ZNF432: variants seen among roughly 807,000 people sequenced by gnomAD.
ZNF432 encodes the protein zinc finger protein 432.
In ZNF432, 10 loss-of-function variants were observed where a neutral mutation model predicts 13.9. The ratio of observed to expected loss-of-function variants is 0.72; its 90% CI spans 0.44 to 1.22. The LOEUF (loss-of-function observed/expected upper bound fraction) is 1.22. Ranked by LOEUF, ZNF432 falls within the 50% of genes most tolerant of loss-of-function variation. The pLI is 0.00. For synonymous variants in ZNF432, 247 were observed against 256.2 expected (o/e 0.96, Z 0.34); for missense variants, 793 against 796.2 (o/e 1.00, Z 0.05).
intron 2 of ZNF432, 63 bp from the exon 3 acceptor site, chr19:52,041,669 G>C: frequency 1.2e-6 from 2 of 1,604,864 alleles, no homozygotes. Context: ...TGAAAAGAAA[G>C]TGAAGGGAAG....
At chr19:52,041,687 G>C in intron 2 of ZNF432, 81 bp from the exon 3 acceptor site, 1 of 1,563,584 alleles carries the variant, frequency 6.4e-7, no homozygotes, top group South Asian at 1.1e-5. Flanking sequence ...AAGTTGTCCC[G>C]CTCACATTAA....
In ZNF432 at chr19:52,032,046, A is replaced by G. The variant is rs1333870131; in HGVS notation, c.*1674T>C. The G allele has an allele frequency of 6.6e-6, 1 of 152,220 alleles. No individual in the cohort carries two copies. Among genetic ancestry groups the G allele is most frequent in the Non-Finnish European group, 1.5e-5 (1 of 68,032 alleles). 9.4% of individuals were successfully genotyped at this position (152,220 alleles called of 1,614,324 possible). A position where few individuals can be genotyped will look rare whatever the true frequency, so the allele number is the denominator to read the frequency against. Reference sequence around the variant, plus strand: ...ATAACATTGATGATGCTAAGCAAAGAATACTCAGGAAACTTTTGTATATTT... The same window carrying G: ...ATAACATTGATGATGCTAAGCAAAGGATACTCAGGAAACTTTTGTATATTT... On this transcript the variant is annotated 3_prime_UTR_variant, in exon 5 of 5. Transcript: ENST00000221315.
intron 2 of ZNF432, among the ~76,000 whole-genome samples, chr19:52,042,423 C>G (rs983229338): frequency 7.9e-5 from 12 of 152,190 alleles, no homozygotes; most frequent in African/African-American, 2.9e-4. Context: ...GTGGCACACA[C>G]CTGTGATCCC....
At chr19:52,040,399 T>C (rs2087122540) in intron 4 of ZNF432, 89 bp downstream of exon 4, 12 of 1,109,340 alleles carry the variant, frequency 1.1e-5, no homozygotes, top group Non-Finnish European at 1.7e-5. Flanking sequence ...ATTCCTAATG[T>C]AGGCACTGCT....
chr19:52,039,331 C>G (rs73577001), intron 4 of ZNF432, among the ~76,000 whole-genome samples: 11,417 of 152,100 alleles, frequency 0.075, 1,354 homozygotes, highest in African/African-American at 0.26. Context: ...ACCCAAATGT[C>G]AATGCAATAG....
chr19:52,034,111 G>A lies in ZNF432; in HGVS notation c.1568C>T (p.Ala523Val). 1 of 1,613,940 alleles carries A rather than the reference G, an allele frequency of 6.2e-7. No homozygotes were observed. The highest frequency in any genetic ancestry group is 8.5e-7 in the Non-Finnish European group (1 of 1,179,924). Residue 523 changes from alanine to valine, a missense_variant, in exon 5 of 5, where the codon GCC becomes GTC. Physicochemically the swap from Ala to Val is moderately conservative, Grantham distance 64. Transcript: ENST00000221315. ...YICNECGKGFAFKSNLVVHQR... is the reference protein window; with the variant it reads ...YICNECGKGFVFKSNLVVHQR... ...GTGTACAACAAGATTGCTCTTAAAG[G>A]CAAAACCTTTTCCACATTCATTGCA... is the stretch of plus-strand genomic sequence containing the variant.
chr19:52,041,124 T>C (rs987574855), intron 3 of ZNF432, among the ~76,000 whole-genome samples: 2 of 151,934 alleles, frequency 1.3e-5, no homozygotes, highest in Admixed American at 1.3e-4. Flanking sequence ...AATAAATAAA[T>C]TAATTAAAAC....
chr19:52,034,824 T>C lies in ZNF432; in HGVS notation c.855A>G (p.Gly285=). ...RLIEHQRTHT[G]EKPYICNECG... ...ATTCATTGCATATGTAGGGTTTCTC[T>C]CCAGTATGAGTTCGCTGATGTTCAA... Residue 285 remains glycine (G), a synonymous_variant, in exon 5 of 5, where the codon GGA becomes GGG. Transcript: ENST00000221315. 1 of 1,613,510 alleles carries C rather than the reference T, an allele frequency of 6.2e-7. No individual in the cohort carries two copies. The highest frequency in any genetic ancestry group is 8.5e-7 in the Non-Finnish European group (1 of 1,179,694).
In ZNF432 at chr19:52,040,601, T is replaced by G. The variant is rs373747929; in HGVS notation, c.143-18A>C. 6.2e-7 allele frequency: 1 copy of G among 1,605,542 alleles called. No individual in the cohort carries two copies. The highest frequency in any genetic ancestry group is 8.5e-7 in the Non-Finnish European group (1 of 1,172,310). On this transcript the variant is annotated intron_variant, in intron 3 of 4. Transcript: ENST00000221315. Reference sequence around the variant, plus strand: ...TTGATAACCTGTTTACGGGAAATAATAGAAGACAGACACACTGGATTGGGC... The same window carrying G: ...TTGATAACCTGTTTACGGGAAATAAGAGAAGACAGACACACTGGATTGGGC...
In ZNF432 at chr19:52,035,188, G is replaced by T; in HGVS notation, c.491C>A (p.Ser164Ter). 6.2e-7 allele frequency: 1 copy of T among 1,613,132 alleles called. No homozygotes were observed. Among genetic ancestry groups the T allele is most frequent in the South Asian group, 1.1e-5 (1 of 90,634 alleles). Residue 164 changes from serine to a stop codon, truncating the protein, a stop_gained, in exon 5 of 5, where the codon TCA becomes TAA. Coordinates refer to ENST00000221315, the MANE Select transcript of ZNF432 (RefSeq NM_014650.4). LOFTEE classifies it low-confidence loss of function (END_TRUNC). ...TTCTTCATAGTTACCATGAAGAAATGATTTCCCATCTCCACTAAATTTAGT... is the reference window on the plus strand; with the variant it reads ...TTCTTCATAGTTACCATGAAGAAATTATTTCCCATCTCCACTAAATTTAGT... ...NSTKFSGDGK[S>*]FLHGNYEELY... is the part of the protein sequence containing the mutation.
At chr19:52,041,370 C>G in intron 3 of ZNF432, 110 bp downstream of exon 3, 8 of 1,386,890 alleles carry the variant, frequency 5.8e-6, no homozygotes, top group Non-Finnish European at 6.7e-6. Context: ...AGAGGATGTG[C>G]CAAAAATCTA....
chr19:52,042,406 A>G (rs2087145124), intron 2 of ZNF432, among the ~76,000 whole-genome samples: 1 of 152,042 alleles, frequency 6.6e-6, no homozygotes, highest in African/African-American at 2.4e-5. Flanking sequence ...AAAATTAACC[A>G]GGTGCGGTGG....
intron 4 of ZNF432, among the ~76,000 whole-genome samples, chr19:52,039,616 G>A (rs545339114): frequency 3.3e-5 from 5 of 152,164 alleles, no homozygotes; most frequent in African/African-American, 9.6e-5. Flanking sequence ...GGTGGGTCAC[G>A]AGGTCAGGAG....
chr19:52,043,843 G>A (rs28463440), intron 2 of ZNF432, among the ~76,000 whole-genome samples: 1 of 152,028 alleles, frequency 6.6e-6, no homozygotes, highest in Non-Finnish European at 1.5e-5. Context: ...CTTTGTTCAC[G>A]TGTTTGTCTG....
chr19:52,036,347 A>G (rs1409542283), intron 4 of ZNF432, among the ~76,000 whole-genome samples: 1 of 152,244 alleles, frequency 6.6e-6, no homozygotes, highest in Non-Finnish European at 1.5e-5. Context: ...GGAGCAGTGT[A>G]GATGATGAGA....
In ZNF432 at chr19:52,035,036, C is replaced by T. The variant is rs906429703; in HGVS notation, c.643G>A (p.Val215Ile). Reference protein sequence around the residue: ...HVCSECGKAFVKKSQLTDHER... With the variant: ...HVCSECGKAFIKKSQLTDHER... ...TGATCAGTGAGCTGAGACTTCTTGA[C>T]AAACGCTTTCCCACATTCACTGCAT... The change falls in exon 5 of 5, where the codon GTC becomes ATC. Residue 215 changes from valine (V) to isoleucine (I), a missense_variant. Val to Ile is a conservative substitution (Grantham distance 29). Transcript: ENST00000221315. 1.2e-6 allele frequency: 2 copies of T among 1,613,740 alleles called. No homozygotes were observed.
intron 4 of ZNF432, among the ~76,000 whole-genome samples, chr19:52,039,828 CA>C (rs562794463): frequency 9.1e-3 from 476 of 52,382 alleles, no homozygotes; most frequent in Non-Finnish European, 0.01. Context: ...GACTCCATCT[CA>C]AAAAAAAAAA....
At chr19:52,046,611 G>A (rs986238811) in intron 2 of ZNF432, among the ~76,000 whole-genome samples, 3 of 152,192 alleles carry the variant, frequency 2.0e-5, no homozygotes, top group Non-Finnish European at 4.4e-5. Flanking sequence ...TGTACTGGCT[G>A]TCAGAGACAT....
intron 1 of ZNF432, among the ~76,000 whole-genome samples, chr19:52,047,729 A>T (rs1487660417): frequency 6.6e-6 from 1 of 152,056 alleles, no homozygotes; most frequent in Non-Finnish European, 1.5e-5. Flanking sequence ...AGAAACACAT[A>T]GAAAAAAAGA....
Sources: allele counts gnomAD v4.1 joint callset (sites outside exome capture counted in the v4.1 genomes callset), GRCh38; gene constraint gnomAD v4.1.1; transcripts MANE v1.5; gene names NCBI Gene and HGNC (gene_info 2026-07-23, HGNC 2026-07-21).